MTUS2: variants seen among roughly 807,000 people sequenced by gnomAD.
MTUS2 encodes microtubule-associated tumor suppressor candidate 2.
MTUS2 carries 40 observed loss-of-function variants against 114.1 expected under a neutral mutation model. The observed-to-expected ratio is 0.35, with a 90% CI of 0.27 to 0.46. The LOEUF (loss-of-function observed/expected upper bound fraction) is 0.46, where lower values mean the gene tolerates loss of function less well. MTUS2 is among the 20% of genes least tolerant of loss of function. MTUS2 has a pLI of 1.00. For missense variants in MTUS2, 1,679 were observed against 1,705.4 expected, an observed-to-expected ratio of 0.98 and a Z score of 0.27; for synonymous variants, 688 against 672.0, an observed-to-expected ratio of 1.02 and a Z score of -0.37.
chr13:28,843,464 T>G (rs1875648758), intron 2 of MTUS2, among the ~76,000 whole-genome samples: 1 of 152,126 alleles, frequency 6.6e-6, no homozygotes, highest in South Asian at 2.1e-4. Flanking sequence ...CTAATTCATC[T>G]TTTTCCTTAG....
intron 9 of MTUS2, among the ~76,000 whole-genome samples, chr13:29,479,462 A>C (rs932854950): frequency 3.3e-5 from 5 of 152,168 alleles, no homozygotes; most frequent in African/African-American, 1.2e-4. Flanking sequence ...TCATTGCCTC[A>C]TGCCCTGTTG....
At chr13:28,994,616 CAT>C (rs770239907) in intron 2 of MTUS2, among the ~76,000 whole-genome samples, 1 of 152,192 alleles carries the variant, frequency 6.6e-6, no homozygotes, top group Non-Finnish European at 1.5e-5. Context: ...GACGGTATCT[CAT>C]TGTGGTTTTG....
chr13:28,994,933 T>G (rs1358487855), intron 2 of MTUS2, among the ~76,000 whole-genome samples: 3 of 152,168 alleles, frequency 2.0e-5, no homozygotes, highest in Non-Finnish European at 4.4e-5. Flanking sequence ...ATTTTGTCTT[T>G]TGTTGCCATT....
chr13:29,077,954 C>G (rs1889270630), intron 4 of MTUS2, among the ~76,000 whole-genome samples: 1 of 152,122 alleles, frequency 6.6e-6, no homozygotes, highest in African/African-American at 2.4e-5. Flanking sequence ...CTTAATTCTT[C>G]AAGTTTCATC....
intron 6 of MTUS2, among the ~76,000 whole-genome samples, chr13:29,315,622 TGAC>T (rs1483577525): frequency 6.6e-6 from 1 of 152,128 alleles, no homozygotes; most frequent in Non-Finnish European, 1.5e-5. Flanking sequence ...TAGAAAAGGG[TGAC>T]AACTGGATTG....
At chr13:28,930,989 AG>A (rs1881584886) in intron 2 of MTUS2, among the ~76,000 whole-genome samples, 1 of 152,230 alleles carries the variant, frequency 6.6e-6, no homozygotes, top group African/African-American at 2.4e-5. Context: ...ACCTGGAGTC[AG>A]GTGGACCTGG....
intron 5 of MTUS2, among the ~76,000 whole-genome samples, chr13:29,241,336 A>G (rs1032526225): frequency 1.5e-4 from 23 of 152,320 alleles, no homozygotes; most frequent in African/African-American, 4.6e-4. Context: ...CCCTCCATAC[A>G]CAAACATCTT....
At chr13:29,088,760 AT>A (rs1358190259) in intron 4 of MTUS2, among the ~76,000 whole-genome samples, 2 of 151,930 alleles carry the variant, frequency 1.3e-5, no homozygotes. Flanking sequence ...ATCATAGTCT[AT>A]TTTTTTCTAA....
rs374667548 is a variant in MTUS2, at chr13:28,829,651, T to G, written c.-316+9040T>G. ...TCACTATATGATTGCTCTAGAAGCTTCTTAAAAAACTCCATTCTCAAAGCT... is the reference window on the plus strand; with the variant it reads ...TCACTATATGATTGCTCTAGAAGCTGCTTAAAAAACTCCATTCTCAAAGCT... On this transcript the variant is annotated intron_variant, in intron 1 of 15. Transcript: ENST00000612955. 7.9e-5 allele frequency among the ~76,000 whole-genome samples: 12 copies of G among 152,326 alleles called. No individual in the cohort carries two copies. The East Asian group carries it at 1.2e-3, about 15-fold the overall frequency.
At chr13:29,110,081 A>G (rs1223840795) in intron 5 of MTUS2, among the ~76,000 whole-genome samples, 1 of 152,228 alleles carries the variant, frequency 6.6e-6, no homozygotes, top group Non-Finnish European at 1.5e-5. Context: ...TGATTTCTTT[A>G]TTTAAAAAGG....
intron 5 of MTUS2, among the ~76,000 whole-genome samples, chr13:29,114,115 A>G (rs1037913942): frequency 2.6e-5 from 4 of 151,384 alleles, no homozygotes; most frequent in East Asian, 1.9e-4. Context: ...AGAAGCCACT[A>G]TGCTTCCTGT....
intron 2 of MTUS2, among the ~76,000 whole-genome samples, chr13:28,856,005 C>T (rs143524965): frequency 7.2e-4 from 109 of 152,156 alleles, no homozygotes; most frequent in African/African-American, 2.6e-3. Context: ...TTTTGATTTG[C>T]GTTTCTCTGA....
At chr13:29,174,719 T>A (rs990177659) in intron 5 of MTUS2, among the ~76,000 whole-genome samples, 12 of 152,184 alleles carry the variant, frequency 7.9e-5, no homozygotes, top group African/African-American at 2.9e-4. Context: ...TGGACAAGAA[T>A]TTCCCCTCTG....
At chr13:29,215,474 GTTTTTTT>G (rs71090232) in intron 5 of MTUS2, among the ~76,000 whole-genome samples, 3,106 of 130,086 alleles carry the variant, frequency 0.024, 123 homozygotes, top group African/African-American at 0.084. Context: ...TTTTTTTGCT[GTTTTTTT>G]TTTTTTTTTT....
At chr13:29,131,281 C>G (rs1385837998) in intron 5 of MTUS2, among the ~76,000 whole-genome samples, 2 of 152,236 alleles carry the variant, frequency 1.3e-5, no homozygotes, top group African/African-American at 4.8e-5. Context: ...AAGCTGAGCC[C>G]TAGAGGTTTT....
intron 8 of MTUS2, among the ~76,000 whole-genome samples, chr13:29,433,494 A>G (rs1187087017): frequency 6.6e-6 from 1 of 152,256 alleles, no homozygotes; most frequent in Non-Finnish European, 1.5e-5. Flanking sequence ...AACTCAAGGC[A>G]TGCTATCAGT....
chr13:29,383,251 TG>T (rs761493781), intron 8 of MTUS2, among the ~76,000 whole-genome samples: 4,677 of 112,652 alleles, frequency 0.042, 99 homozygotes, highest in African/African-American at 0.085. Context: ...TGTGTGTGTG[TG>T]TATTTATTTT....
intron 7 of MTUS2, among the ~76,000 whole-genome samples, chr13:29,356,714 G>T (rs905585612): frequency 6.6e-6 from 1 of 152,202 alleles, no homozygotes; most frequent in Non-Finnish European, 1.5e-5. Context: ...GCAAAGTCAC[G>T]CTGGATATGT....
chr13:29,408,128 T>C (rs1224375731), intron 8 of MTUS2, among the ~76,000 whole-genome samples: 1 of 152,168 alleles, frequency 6.6e-6, no homozygotes, highest in Non-Finnish European at 1.5e-5. Flanking sequence ...GTTTGTGACT[T>C]ACCACTTCAT....
Sources: allele counts gnomAD v4.1 joint callset (sites outside exome capture counted in the v4.1 genomes callset), GRCh38; gene constraint gnomAD v4.1.1; transcripts MANE v1.5; gene names NCBI Gene and HGNC (gene_info 2026-07-23, HGNC 2026-07-21).